The following SLIT3 variants were observed in gnomAD, a reference collection of about 807,000 sequenced individuals.
SLIT3 encodes slit guidance ligand 3.
Under a neutral mutation model 184.0 loss-of-function variants are expected in SLIT3, and 68 were observed. That is an observed-to-expected ratio of 0.37 (90% CI 0.30 to 0.45). SLIT3 has a LOEUF of 0.45. SLIT3 is among the 20% of genes least tolerant of loss of function. SLIT3 has a pLI of 1.00. For synonymous variants in SLIT3, 831 were observed against 828.6 expected (o/e 1.00, Z -0.05); for missense variants, 1,707 against 2,026.0 (o/e 0.84, Z 3.02).
At chr5:169,028,253 A>C (rs111395676) in intron 4 of SLIT3, among the ~76,000 whole-genome samples, 34 of 152,044 alleles carry the variant, frequency 2.2e-4, no homozygotes, top group African/African-American at 8.2e-4. Context: ...GGAAAAAAAA[A>C]AAATCTGTGA....
At chr5:169,069,595 T>G (rs17734771) in intron 4 of SLIT3, among the ~76,000 whole-genome samples, 6,316 of 152,180 alleles carry the variant, frequency 0.042, 412 homozygotes, top group East Asian at 0.23. Flanking sequence ...ACTGGACACT[T>G]AGCACACTCT....
chr5:169,256,365 A>G (rs900045171), intron 1 of SLIT3, among the ~76,000 whole-genome samples: 2 of 152,216 alleles, frequency 1.3e-5, no homozygotes, highest in East Asian at 3.9e-4. Context: ...ACAACTGCCT[A>G]TAGTATTCAG....
chr5:168,793,485 C>G (rs1487542661), intron 10 of SLIT3, among the ~76,000 whole-genome samples: 1 of 152,074 alleles, frequency 6.6e-6, no homozygotes, highest in Non-Finnish European at 1.5e-5. Context: ...TTCTCTATTG[C>G]CATCCTCTTG....
At chr5:169,269,511 C>T (rs905426259) in intron 1 of SLIT3, among the ~76,000 whole-genome samples, 3 of 152,374 alleles carry the variant, frequency 2.0e-5, no homozygotes, top group South Asian at 4.1e-4. Flanking sequence ...GCTCAGGCAA[C>T]TCTCCCATCT....
intron 4 of SLIT3, among the ~76,000 whole-genome samples, chr5:169,038,487 C>T (rs1581338967): frequency 1.3e-5 from 2 of 152,142 alleles, no homozygotes; most frequent in South Asian, 4.1e-4. Flanking sequence ...AAGACCTATA[C>T]TTAGGTTTTT....
At chr5:168,795,438 C>A (rs1756531653) in intron 10 of SLIT3, 69 bp downstream of exon 10, 7 of 1,183,136 alleles carry the variant, frequency 5.9e-6, no homozygotes, top group South Asian at 4.9e-5. Context: ...ACAGGTTGCC[C>A]ACTACACATT....
chr5:168,766,771 C>T (rs13153947), intron 14 of SLIT3, among the ~76,000 whole-genome samples: 8,716 of 152,294 alleles, frequency 0.057, 266 homozygotes, highest in Non-Finnish European at 0.066. Context: ...TCTCCAGGCT[C>T]GAGGATTTGC....
chr5:168,907,967 T>TAGAGAGAG (rs1376618472), intron 4 of SLIT3, among the ~76,000 whole-genome samples: 29 of 80,244 alleles, frequency 3.6e-4, no homozygotes, highest in African/African-American at 4.8e-4. Context: ...TATATATATA[T>TAGAGAGAG]ATATATATAT....
chr5:168,671,113 C>A, intron 34 of SLIT3, 85 bp downstream of exon 34: 1 of 1,453,570 alleles, frequency 6.9e-7, no homozygotes, highest in Admixed American at 1.8e-5. Flanking sequence ...CTCCAGCCTC[C>A]AGTAGTGCCT....
At chr5:169,255,832 G>A (rs572933845) in intron 1 of SLIT3, among the ~76,000 whole-genome samples, 1 of 152,246 alleles carries the variant, frequency 6.6e-6, no homozygotes, top group Admixed American at 6.5e-5. Flanking sequence ...GCAGTGAGCC[G>A]AGATCGCGCC....
chr5:169,139,816 C>A (rs1761657093), intron 4 of SLIT3, among the ~76,000 whole-genome samples: 1 of 152,168 alleles, frequency 6.6e-6, no homozygotes, highest in Non-Finnish European at 1.5e-5. Flanking sequence ...TCCATCCCTG[C>A]CAAAACAGAA....
Position 169,217,792 on chromosome 5 carries a change from G to A in SLIT3, c.342-24242C>T, listed in dbSNP as rs1364311589. On this transcript the variant is annotated intron_variant, in intron 3 of 35. Coordinates refer to ENST00000519560, the MANE Select transcript of SLIT3 (RefSeq NM_003062.4). ...CAAAGTATACCCACAATTCCGAGAG[G>A]TGGGAGGTCATTAACCATGTGGTAA... 2.0e-5 allele frequency among the ~76,000 whole-genome samples: 3 copies of A among 152,310 alleles called. No homozygotes were observed. The East Asian group carries it at 5.8e-4, about 29-fold the overall frequency.
intron 6 of SLIT3, among the ~76,000 whole-genome samples, chr5:168,830,256 G>A (rs1215003659): frequency 1.3e-5 from 2 of 152,016 alleles, no homozygotes; most frequent in African/African-American, 2.4e-5. Flanking sequence ...CTCAGCCCAG[G>A]GCCTCCATCC....
intron 4 of SLIT3, among the ~76,000 whole-genome samples, chr5:168,890,384 A>G (rs1300149847): frequency 3.3e-5 from 5 of 152,188 alleles, no homozygotes; most frequent in Non-Finnish European, 5.9e-5. Flanking sequence ...CTTTGGTTTT[A>G]TCTTTCAAGG....
chr5:169,255,529 C>G (rs1765927227), intron 1 of SLIT3, among the ~76,000 whole-genome samples: 1 of 152,082 alleles, frequency 6.6e-6, no homozygotes, highest in African/African-American at 2.4e-5. Context: ...TATACCTATA[C>G]AGTTTGCGTT....
intron 4 of SLIT3, among the ~76,000 whole-genome samples, chr5:169,181,482 C>T (rs1431152326): frequency 6.6e-6 from 1 of 152,098 alleles, no homozygotes; most frequent in African/African-American, 2.4e-5. Context: ...TGGCTCACAC[C>T]TGTAATCCCA....
chr5:168,951,266 G>C (rs1320371667), intron 4 of SLIT3, among the ~76,000 whole-genome samples: 2 of 152,156 alleles, frequency 1.3e-5, no homozygotes, highest in Admixed American at 1.3e-4. Flanking sequence ...ATTTCAGTGA[G>C]TTATAGTGCA....
intron 4 of SLIT3, among the ~76,000 whole-genome samples, chr5:169,078,699 G>A (rs190411369): frequency 1.3e-3 from 204 of 152,238 alleles, no homozygotes; most frequent in Non-Finnish European, 2.5e-3. Flanking sequence ...AGGAGCTTTT[G>A]CACACAATAT....
intron 6 of SLIT3, among the ~76,000 whole-genome samples, chr5:168,837,245 A>G (rs1758082129): frequency 6.6e-6 from 1 of 152,220 alleles, no homozygotes; most frequent in South Asian, 2.1e-4. Flanking sequence ...ATATCTGGAG[A>G]TATTTTAAGA....
Sources: allele counts gnomAD v4.1 joint callset (sites outside exome capture counted in the v4.1 genomes callset), GRCh38; gene constraint gnomAD v4.1.1; transcripts MANE v1.5; gene names NCBI Gene and HGNC (gene_info 2026-07-23, HGNC 2026-07-21).